CSMD3: variants seen among roughly 807,000 people sequenced by gnomAD.
The protein encoded by CSMD3 is CUB and Sushi multiple domains 3.
In CSMD3, 177 loss-of-function variants were observed where a neutral mutation model predicts 435.2. The ratio of observed to expected loss-of-function variants is 0.41; its 90% CI spans 0.36 to 0.46. CSMD3 has a LOEUF of 0.46. Among genes scored for constraint, CSMD3 ranks in the 20% least tolerant of loss-of-function variants. The pLI, the probability that CSMD3 is intolerant of heterozygous loss-of-function variation, is 0.34. For missense variants in CSMD3, 4,265 were observed against 4,504.6 expected, an observed-to-expected ratio of 0.95 and a Z score of 1.52; for synonymous variants, 1,656 against 1,520.5, an observed-to-expected ratio of 1.09 and a Z score of -2.07.
In CSMD3 at chr8:112,347,453, T is replaced by C. The variant is rs545947503; in HGVS notation, c.6326-1240A>G. On this transcript the variant is annotated intron_variant, in intron 40 of 70. Transcript: ENST00000297405. ...ACAGATACTCAAATCTCAGGTTATA[T>C]ATTTTAAAGGCAAATTCAGTAGGAA... is the stretch of plus-strand genomic sequence containing the variant. Among the ~76,000 whole-genome samples, 5 of 152,324 alleles carry C rather than the reference T, an allele frequency of 3.3e-5. 1 individual carries two copies. The highest frequency in any genetic ancestry group is 1.2e-4 in the African/African-American group (5 of 41,580).
chr8:113,149,902 A>G (rs1461006549), intron 4 of CSMD3, among the ~76,000 whole-genome samples: 1 of 151,986 alleles, frequency 6.6e-6, no homozygotes, highest in Non-Finnish European at 1.5e-5. Flanking sequence ...ATTCATTAGT[A>G]AAACACTGCT....
At chr8:112,306,847 C>T (rs1821465221) in intron 50 of CSMD3, among the ~76,000 whole-genome samples, 1 of 151,988 alleles carries the variant, frequency 6.6e-6, no homozygotes, top group African/African-American at 2.4e-5. Flanking sequence ...TTTTTATCTA[C>T]AATACATTTG....
intron 23 of CSMD3, among the ~76,000 whole-genome samples, chr8:112,577,911 A>C (rs2131318452): frequency 6.6e-6 from 1 of 152,226 alleles, no homozygotes; most frequent in African/African-American, 2.4e-5. Context: ...CATCAATCCA[A>C]GAGCAAAAAG....
intron 1 of CSMD3, among the ~76,000 whole-genome samples, chr8:113,322,733 A>G (rs76915188): frequency 0.021 from 3,227 of 152,052 alleles, 130 homozygotes; most frequent in African/African-American, 0.074. Context: ...TATTATGAAA[A>G]CCTTCATTTA....
At chr8:112,786,253 T>C (rs1318167626) in intron 13 of CSMD3, among the ~76,000 whole-genome samples, 1 of 152,058 alleles carries the variant, frequency 6.6e-6, no homozygotes, top group Non-Finnish European at 1.5e-5. Flanking sequence ...TAGACCCTTA[T>C]CTCTTGCCAT....
chr8:113,340,181 T>C (rs575429863), intron 1 of CSMD3, among the ~76,000 whole-genome samples: 2 of 152,206 alleles, frequency 1.3e-5, no homozygotes, highest in Admixed American at 6.5e-5. Flanking sequence ...AAGTTTTTTA[T>C]TGACTTGTAA....
At chr8:113,347,117 A>T (rs1467698303) in intron 1 of CSMD3, among the ~76,000 whole-genome samples, 1 of 152,130 alleles carries the variant, frequency 6.6e-6, no homozygotes, top group Non-Finnish European at 1.5e-5. Context: ...TTAATAAATA[A>T]ATAAATAAAT....
chr8:112,224,820 T>C lies in CSMD3; in HGVS notation c.11075A>G (p.Lys3692Arg). 6.2e-7 allele frequency: 1 copy of C among 1,614,034 alleles called. No homozygotes were observed. Among genetic ancestry groups the C allele is most frequent in the Non-Finnish European group, 8.5e-7 (1 of 1,179,896 alleles). The change falls in exon 71 of 71, where the codon AAG becomes AGG. Residue 3692 changes from lysine to arginine, a missense_variant. Coordinates refer to ENST00000297405, the MANE Select transcript of CSMD3 (RefSeq NM_198123.2). ...YDTNAKSVEG[K>R]AVRFDPNLNT... is the part of the protein sequence containing the mutation. ...CAAGTTGGGATCAAATCGTACCGCC[T>C]TCCCTTCCACTGACTTTGCGTTGGT...
intron 1 of CSMD3, among the ~76,000 whole-genome samples, chr8:113,397,865 T>TAAAGAAAG (rs200000234): frequency 8.9e-5 from 12 of 134,126 alleles, no homozygotes; most frequent in African/African-American, 3.4e-4. Flanking sequence ...AATAAATAAA[T>TAAAGAAAG]AAAGAACACA....
chr8:113,331,960 G>A (rs1033905785), intron 1 of CSMD3, among the ~76,000 whole-genome samples: 1 of 151,560 alleles, frequency 6.6e-6, no homozygotes, highest in Non-Finnish European at 1.5e-5. Flanking sequence ...TAAATAAAAT[G>A]CAACCATACA....
At chr8:113,256,051 G>T (rs575791266) in intron 3 of CSMD3, among the ~76,000 whole-genome samples, 1 of 151,980 alleles carries the variant, frequency 6.6e-6, no homozygotes, top group South Asian at 2.1e-4. Flanking sequence ...TTACTCAAAT[G>T]AAGAGAAATG....
intron 13 of CSMD3, among the ~76,000 whole-genome samples, chr8:112,698,975 A>T (rs1374736858): frequency 6.6e-6 from 1 of 152,112 alleles, no homozygotes; most frequent in Admixed American, 6.6e-5. Flanking sequence ...AAATGCACCA[A>T]TCAGCACTCT....
chr8:112,550,950 T>C, intron 26 of CSMD3, 77 bp from the exon 27 acceptor site: 1 of 1,006,798 alleles, frequency 9.9e-7, no homozygotes. Context: ...AAATGTGCAT[T>C]ATGCCTTTTA....
At chr8:113,178,556 T>C (rs1388156097) in intron 3 of CSMD3, among the ~76,000 whole-genome samples, 3 of 151,862 alleles carry the variant, frequency 2.0e-5, no homozygotes, top group African/African-American at 7.2e-5. Flanking sequence ...AAACGAAACA[T>C]GTAAGTTATA....
At chr8:113,150,736 ATAATT>A (rs1302592223) in intron 4 of CSMD3, among the ~76,000 whole-genome samples, 1 of 152,050 alleles carries the variant, frequency 6.6e-6, no homozygotes, top group African/African-American at 2.4e-5. Flanking sequence ...TGTATTAAAT[ATAATT>A]TATTCATTAC....
intron 4 of CSMD3, among the ~76,000 whole-genome samples, chr8:113,128,705 T>C (rs571257936): frequency 1.3e-5 from 2 of 152,198 alleles, no homozygotes; most frequent in South Asian, 4.1e-4. Context: ...CCAAACATAT[T>C]TGAGTATATA....
chr8:113,203,358 T>C (rs1242807894), intron 3 of CSMD3, among the ~76,000 whole-genome samples: 1 of 152,064 alleles, frequency 6.6e-6, no homozygotes, highest in Non-Finnish European at 1.5e-5. Context: ...TGGAGTTCAA[T>C]GGTACAATCA....
chr8:113,138,810 A>AGTGTGTGTGTGTGTGTGTGT (rs34755068), intron 4 of CSMD3, among the ~76,000 whole-genome samples: 3 of 145,630 alleles, frequency 2.1e-5, no homozygotes, highest in African/African-American at 7.5e-5. Context: ...TAAACGTGTT[A>AGTGTGTGTGTGTGTGTGTGT]GTGTGTGTGT....
chr8:112,656,001 AAC>A (rs1025380875), intron 18 of CSMD3, among the ~76,000 whole-genome samples, 151 bp downstream of exon 18: 121 of 152,242 alleles, frequency 7.9e-4, no homozygotes, highest in African/African-American at 2.9e-3. Flanking sequence ...AATTTACTAA[AAC>A]ACACACCTTA....
Sources: gnomAD v4.1 joint callset for allele counts (sites outside exome capture counted in the v4.1 genomes callset) on GRCh38, gnomAD v4.1.1 for gene constraint, MANE v1.5 for transcripts, NCBI Gene and HGNC (gene_info 2026-07-23, HGNC 2026-07-21) for gene names.